ZBTB4: variants seen among roughly 807,000 people sequenced by gnomAD.
ZBTB4 encodes the protein zinc finger and BTB domain containing 4, also known as zinc finger and BTB domain-containing protein 4.
In ZBTB4, 14 loss-of-function variants were observed where a neutral mutation model predicts 59.8. The ratio of observed to expected loss-of-function variants is 0.23; its 90% CI spans 0.15 to 0.37. The LOEUF is 0.37. Among genes scored for constraint, ZBTB4 ranks in the 10% least tolerant of loss-of-function variants. The pLI is 1.00. For missense variants in ZBTB4, 1,198 were observed against 1,380.8 expected, an observed-to-expected ratio of 0.87 and a Z score of 2.10; for synonymous variants, 587 against 575.2, an observed-to-expected ratio of 1.02 and a Z score of -0.29.
intron 1 of ZBTB4, among the ~76,000 whole-genome samples, chr17:7,473,798 G>C (rs2070232003): frequency 6.6e-6 from 1 of 151,930 alleles, no homozygotes; most frequent in Non-Finnish European, 1.5e-5. Flanking sequence ...AATCCGCCCA[G>C]CTCAGCATCC....
chr17:7,466,501 C>G lies in ZBTB4; in HGVS notation c.301G>C (p.Ala101Pro), dbSNP rs759392097. 1 of 1,607,150 alleles carries G rather than the reference C, an allele frequency of 6.2e-7. No individual in the cohort carries two copies. Among genetic ancestry groups the G allele is most frequent in the Non-Finnish European group, 8.5e-7 (1 of 1,176,688 alleles). ...SSSSSSSSSS[A>P]SSSSSSSSSS... The stretch of plus-strand genomic sequence containing the variant: ...GAGGAAGAGGAAGAAGAAGAAGAAG[C>G]AGAGGAGGAAGAAGAGGAAGAAGAC... The change falls in exon 3 of 4, where the codon GCT becomes CCT. Residue 101 changes from alanine (A) to proline (P), a missense_variant. Physicochemically the swap from Ala to Pro is conservative, Grantham distance 27. This residue lies in a region of ZBTB4 where 83 missense variants were observed against 76.5 expected (regional missense o/e 1.09). Coordinates refer to ENST00000380599, the MANE Select transcript of ZBTB4 (RefSeq NM_001128833.2). This position sits in a 1 kb window ranked among gnomAD's most constrained non-coding sequence, Gnocchi z 9.1.
rs771840308 is a variant in ZBTB4, at chr17:7,463,038, CTCCTCCTCTTCG to C, written c.1932_1943del (p.Asp644_Glu647del). 68 of 1,609,582 alleles carry C rather than the reference CTCCTCCTCTTCG, an allele frequency of 4.2e-5. No homozygotes were observed. Among genetic ancestry groups the C allele is most frequent in the East Asian group, 2.5e-4 (11 of 44,772 alleles). On this transcript the variant is annotated inframe_deletion, in exon 4 of 4. Transcript: ENST00000380599. Reference sequence around the variant, plus strand: ...CCTTTGATTCCTCCTCATCCTCCTCCTCCTCCTCTTCGTCCTCCTCCTCTTCGTCCTCCTCAC... The same window carrying C: ...CCTTTGATTCCTCCTCATCCTCCTCCTCCTCCTCCTCTTCGTCCTCCTCAC...
intron 1 of ZBTB4, among the ~76,000 whole-genome samples, chr17:7,478,683 C>T (rs2070302239): frequency 6.6e-6 from 1 of 152,236 alleles, no homozygotes; most frequent in Admixed American, 6.5e-5. Flanking sequence ...AGAAAACATA[C>T]AGCCCCACAT....
At chr17:7,465,029 G>A (rs552612093) in intron 3 of ZBTB4, among the ~76,000 whole-genome samples, 66 of 148,680 alleles carry the variant, frequency 4.4e-4, no homozygotes, top group African/African-American at 1.1e-3. Flanking sequence ...GATGGCGGGC[G>A]CCTGTAGTCC....
Position 7,462,895 on chromosome 17 carries a change from G to C in ZBTB4, c.2087C>G (p.Pro696Arg). The C allele has an allele frequency of 1.2e-6, 2 of 1,608,264 alleles. No homozygotes were observed. The highest frequency in any genetic ancestry group is 1.7e-6 in the Non-Finnish European group (2 of 1,179,864). ...CCGTTCCAGCTTCTGCCTCCAACGT[G>C]GTGGCCGGCGGCCTCGGGGCAGCCC... Reference protein sequence around the residue: ...GSGLPRGRRPPRWRQKLERRS... With the variant: ...GSGLPRGRRPRRWRQKLERRS... The change falls in exon 4 of 4, where the codon CCA becomes CGA. Residue 696 changes from proline to arginine, a missense_variant. By Grantham distance (103) the Pro-to-Arg change is moderately radical. Transcript: ENST00000380599. This position sits in a 1 kb window ranked among gnomAD's most constrained non-coding sequence, Gnocchi z 7.5.
At chr17:7,483,835 C>T (rs903626817), upstream of ZBTB4, among the ~76,000 whole-genome samples, 1 of 152,204 alleles carries the variant, frequency 6.6e-6, no homozygotes, top group African/African-American at 2.4e-5. Context: ...CATTACAGGC[C>T]AGGAGATGCC....
chr17:7,474,209 C>T (rs2070237224), intron 1 of ZBTB4, among the ~76,000 whole-genome samples: 1 of 103,646 alleles, frequency 9.6e-6, no homozygotes, highest in Non-Finnish European at 1.9e-5. Flanking sequence ...GCATGAGCCA[C>T]CATGGCCAGA....
In ZBTB4 at chr17:7,479,531, C is replaced by CCTCCAGCTCCGGCTCCGG. The variant is rs1441985925; in HGVS notation, c.-174_-157dup. The CCTCCAGCTCCGGCTCCGG allele has an allele frequency of 3.0e-4, 49 of 161,266 alleles. 1 individual carries two copies. In the East Asian group the frequency reaches 7.6e-3, roughly 25 times the overall value. 10.0% of individuals were successfully genotyped at this position (161,266 alleles called of 1,614,324 possible). The stretch of plus-strand genomic sequence containing the variant: ...CCCCCGGCCGCTCCGGTTTTGCCCG[C>CCTCCAGCTCCGGCTCCGG]CTCCAGCTCCGGCTCCGGCTCCAGC... On this transcript the variant is annotated 5_prime_UTR_variant, in exon 1 of 4. Transcript: ENST00000380599.
At chr17:7,479,128 C>T (rs1007449274) in intron 1 of ZBTB4, among the ~76,000 whole-genome samples, 1 of 152,070 alleles carries the variant, frequency 6.6e-6, no homozygotes, top group Non-Finnish European at 1.5e-5. Context: ...ATCTGCCCCA[C>T]GGGGGGAGGG....
intron 1 of ZBTB4, among the ~76,000 whole-genome samples, chr17:7,479,245 C>T (rs1159963643): frequency 3.9e-5 from 6 of 152,150 alleles, no homozygotes; most frequent in Non-Finnish European, 8.8e-5. Context: ...GACGCCATAC[C>T]AGGGCCCCCT....
Position 7,463,844 on chromosome 17 carries a change from G to A in ZBTB4, c.1138C>T (p.Leu380=). 2 of 1,614,098 alleles carry A rather than the reference G, an allele frequency of 1.2e-6. No individual in the cohort carries two copies. Among genetic ancestry groups the A allele is most frequent in the Non-Finnish European group, 1.7e-6 (2 of 1,179,996 alleles). The part of the protein sequence containing the change: ...CWETFVTYYN[L]KTHQRAFHGI... Reference sequence around the variant, plus strand: ...TGGAAGGCTCGCTGGTGGGTCTTCAGGTTATAGTAAGTGACAAAGGTCTCC... The same window carrying A: ...TGGAAGGCTCGCTGGTGGGTCTTCAAGTTATAGTAAGTGACAAAGGTCTCC... Residue 380 remains leucine, a synonymous_variant, in exon 4 of 4, where the codon CTG becomes TTG. Coordinates refer to ENST00000380599, the MANE Select transcript of ZBTB4 (RefSeq NM_001128833.2).
upstream of ZBTB4, among the ~76,000 whole-genome samples, chr17:7,480,587 G>T (rs1007143316): frequency 6.6e-6 from 1 of 152,144 alleles, no homozygotes; most frequent in African/African-American, 2.4e-5. Context: ...GGGCGTGGTG[G>T]CGGGCGCCTG....
chr17:7,477,459 C>CA (rs1221846025), intron 1 of ZBTB4, among the ~76,000 whole-genome samples: 2 of 152,208 alleles, frequency 1.3e-5, no homozygotes. Context: ...CACCCCTTCC[C>CA]AGCCCCCCAT....
upstream of ZBTB4, chr17:7,483,020 G>C: frequency 6.2e-7 from 1 of 1,611,828 alleles, no homozygotes; most frequent in Non-Finnish European, 8.5e-7. Flanking sequence ...TTGGGAGCCC[G>C]GGGGTTGGGA....
At chr17:7,469,046 T>C (rs1279795830) in intron 1 of ZBTB4, among the ~76,000 whole-genome samples, 2 of 152,204 alleles carry the variant, frequency 1.3e-5, no homozygotes, top group African/African-American at 2.4e-5. Context: ...CCAGGCCTCC[T>C]ACTCGCCTCC....
At chr17:7,477,385 C>T (rs1052857141) in intron 1 of ZBTB4, among the ~76,000 whole-genome samples, 1 of 152,208 alleles carries the variant, frequency 6.6e-6, no homozygotes, top group East Asian at 1.9e-4. Flanking sequence ...CAGCCCTGGA[C>T]CATGGCTCCT....
upstream of ZBTB4, chr17:7,481,419 GA>G: frequency 1.5e-6 from 2 of 1,370,698 alleles, no homozygotes; most frequent in South Asian, 1.9e-5. Context: ...GAGTTCCAGG[GA>G]AGAACCCCAC....
At chr17:7,477,467 C>A (rs1451985863) in intron 1 of ZBTB4, among the ~76,000 whole-genome samples, 1 of 152,340 alleles carries the variant, frequency 6.6e-6, no homozygotes, top group Admixed American at 6.5e-5. Flanking sequence ...CCCAGCCCCC[C>A]ATGCCGGAGG....
In ZBTB4 at chr17:7,463,449, A is replaced by G; in HGVS notation, c.1533T>C (p.Thr511=). 1 of 1,545,106 alleles carries G rather than the reference A, an allele frequency of 6.5e-7. No individual in the cohort carries two copies. Among genetic ancestry groups the G allele is most frequent in the Non-Finnish European group, 8.7e-7 (1 of 1,145,470 alleles). The change falls in exon 4 of 4, where the codon ACT becomes ACC. Residue 511 remains threonine, a synonymous_variant. Transcript: ENST00000380599. Reference sequence around the variant, plus strand: ...GTTTCTTGGGTGGCCTCGGGGGAGCAGTGTAAGTGATAACCGAGGCAGCTT... The same window carrying G: ...GTTTCTTGGGTGGCCTCGGGGGAGCGGTGTAAGTGATAACCGAGGCAGCTT... ...GSQAASVITY[T]APPRPPKKRE... is the part of the protein sequence containing the mutation.
Sources: gnomAD v4.1 joint callset for allele counts (sites outside exome capture counted in the v4.1 genomes callset) on GRCh38, gnomAD v4.1.1 for gene constraint, gnomAD v4.1.1 regional missense constraint, Gnocchi (gnomAD v3.1) non-coding constraint, MANE v1.5 for transcripts, NCBI Gene and HGNC (gene_info 2026-07-23, HGNC 2026-07-21) for gene names.